The following FGF13 variants were observed in gnomAD, a reference collection of about 807,000 sequenced individuals.
The protein encoded by FGF13 is fibroblast growth factor homologous factor 2.
In FGF13, 2 loss-of-function variants were observed where a neutral mutation model predicts 19.5. The ratio of observed to expected loss-of-function variants is 0.10; its 90% confidence interval spans 0.04 to 0.32. The LOEUF is 0.32. Among genes scored for constraint, FGF13 ranks in the 10% least tolerant of loss-of-function variants. The probability of loss-of-function intolerance (pLI) is 1.00; values close to 1 mark genes in which losing one functional copy is unlikely to be tolerated. For missense variants in FGF13, 113 were observed against 192.7 expected (o/e 0.59, Z 2.45); for synonymous variants, 72 against 76.9 (o/e 0.94, Z 0.33).
intron 3 of FGF13, among the ~76,000 whole-genome samples, chrX:138,690,849 T>C (rs1413264319): frequency 9.0e-6 from 1 of 111,675 alleles, no homozygotes; most frequent in Admixed American, 9.5e-5. Flanking sequence ...TGAAACAGTT[T>C]ATGCTGATCC....
At chrX:138,899,203 G>T (rs1220257563) in intron 1 of FGF13, among the ~76,000 whole-genome samples, 1 of 111,365 alleles carries the variant, frequency 9.0e-6, no homozygotes, top group Non-Finnish European at 1.9e-5. Context: ...GTTTTTTGGG[G>T]GGGTTGGGTT....
intron 1 of FGF13, among the ~76,000 whole-genome samples, chrX:139,138,484 G>T (rs191560574): frequency 8.9e-6 from 1 of 111,941 alleles, no homozygotes; most frequent in Non-Finnish European, 1.9e-5. Context: ...TCAAAGAGCA[G>T]GTCTGTGACC....
intron 3 of FGF13, among the ~76,000 whole-genome samples, chrX:138,678,062 A>G (rs1379185677): frequency 8.9e-6 from 1 of 111,929 alleles, no homozygotes; most frequent in African/African-American, 3.3e-5. Flanking sequence ...CATCATTCTC[A>G]GTAAACTATC....
intron 1 of FGF13, among the ~76,000 whole-genome samples, chrX:139,162,202 TAA>T (rs1307587585): frequency 6.3e-5 from 7 of 111,636 alleles, no homozygotes; most frequent in East Asian, 2.8e-4. Context: ...AAAACAGATA[TAA>T]AGACCAATGG....
chrX:138,929,874 G>C (rs2091693048), intron 1 of FGF13, among the ~76,000 whole-genome samples: 1 of 107,663 alleles, frequency 9.3e-6, no homozygotes, highest in Non-Finnish European at 1.9e-5. Flanking sequence ...GTGTGTGTGT[G>C]TGTGTGTGTG....
In FGF13 at chrX:138,843,047, T is replaced by C. The variant is rs969260867; in HGVS notation, c.217+14465A>G. Among the ~76,000 whole-genome samples, 7 of 111,476 alleles carry C rather than the reference T, an allele frequency of 6.3e-5. No individual in the cohort carries two copies. The Admixed American group carries it at 6.7e-4, about 11-fold the overall frequency. Reference sequence around the variant, plus strand: ...ATGTGTTGCTTGATTTGTTAAAACCTTCTATGTAGAAAAAAAATAGGTAAC... The same window carrying C: ...ATGTGTTGCTTGATTTGTTAAAACCCTCTATGTAGAAAAAAAATAGGTAAC... On this transcript the variant is annotated intron_variant, in intron 3 of 6. Transcript: ENST00000436198.
At chrX:138,635,183 C>A (rs1015608776) in intron 4 of FGF13, among the ~76,000 whole-genome samples, 2 of 111,533 alleles carry the variant, frequency 1.8e-5, no homozygotes, top group Non-Finnish European at 3.8e-5. Context: ...TAAGTGGGAG[C>A]TAAGCTATGA....
intron 3 of FGF13, among the ~76,000 whole-genome samples, chrX:138,777,650 G>C (rs1043859172): frequency 5.4e-5 from 6 of 111,858 alleles, no homozygotes; most frequent in African/African-American, 2.0e-4. Flanking sequence ...GCAAGGACCA[G>C]TGGGAGTTCC....
chrX:138,658,474 A>G (rs1480264703), intron 3 of FGF13, among the ~76,000 whole-genome samples: 1 of 112,661 alleles, frequency 8.9e-6, no homozygotes, highest in Non-Finnish European at 1.9e-5. Flanking sequence ...TATTTAGGCT[A>G]GGTATATAAG....
At chrX:139,108,594 A>G (rs1348660354) in intron 1 of FGF13, among the ~76,000 whole-genome samples, 1 of 111,701 alleles carries the variant, frequency 9.0e-6, no homozygotes, top group Non-Finnish European at 1.9e-5. Context: ...ATAGACAACC[A>G]TGGTTAATAC....
At chrX:138,684,198 T>G (rs1422332636) in intron 3 of FGF13, among the ~76,000 whole-genome samples, 1 of 111,828 alleles carries the variant, frequency 8.9e-6, no homozygotes, top group Non-Finnish European at 1.9e-5. Flanking sequence ...AGAAATATAT[T>G]ATACACTATC....
chrX:138,780,175 G>C (rs998148878), intron 3 of FGF13, among the ~76,000 whole-genome samples: 7 of 110,039 alleles, frequency 6.4e-5, no homozygotes, highest in Non-Finnish European at 1.1e-4. Context: ...CACTAAACAT[G>C]GAAAGGAACA....
chrX:138,717,417 A>C (rs1232606124), intron 1 of FGF13, among the ~76,000 whole-genome samples: 2 of 111,521 alleles, frequency 1.8e-5, no homozygotes, highest in East Asian at 5.6e-4. Context: ...AACCTTTTCT[A>C]TCTAGCTAGG....
At chrX:138,889,271 T>G (rs1015015254) in intron 1 of FGF13, among the ~76,000 whole-genome samples, 2 of 111,749 alleles carry the variant, frequency 1.8e-5, no homozygotes, top group Non-Finnish European at 3.8e-5. Context: ...TGCAAAATAT[T>G]TATGTAATCA....
chrX:138,710,777 C>A, intron 1 of FGF13, 40 bp downstream of exon 1: 1 of 1,203,749 alleles, frequency 8.3e-7, no homozygotes, highest in Non-Finnish European at 1.1e-6. Flanking sequence ...CCACCTCACT[C>A]GTAAAGTATG....
upstream of FGF13, among the ~76,000 whole-genome samples, chrX:138,743,784 T>C (rs2090336271): frequency 8.9e-6 from 1 of 111,796 alleles, no homozygotes; most frequent in Admixed American, 9.5e-5. Context: ...AGGTTTTGTT[T>C]AGTTTTTTTC....
chrX:138,708,989 T>C (rs898775235), intron 1 of FGF13, 61 bp from the exon 2 acceptor site: 3 of 596,624 alleles, frequency 5.0e-6, no homozygotes, highest in African/African-American at 2.3e-5. Flanking sequence ...TTGAAAAGAC[T>C]AGGAATTTCA....
upstream of FGF13, among the ~76,000 whole-genome samples, chrX:138,742,478 A>G (rs746157824): frequency 2.0e-5 from 2 of 97,612 alleles, no homozygotes; most frequent in Non-Finnish European, 4.0e-5. Flanking sequence ...AATAGATGCC[A>G]TCAGCAAGGG....
chrX:138,716,572 C>A (rs978533079), upstream of FGF13: 1 of 110,491 alleles, frequency 9.1e-6, no homozygotes, highest in Non-Finnish European at 1.9e-5. Flanking sequence ...CAGAGTAAGA[C>A]CCTGCCTCTA....
Sources: allele counts gnomAD v4.1 joint callset (sites outside exome capture counted in the v4.1 genomes callset), GRCh38; gene constraint gnomAD v4.1.1; transcripts MANE v1.5; gene names NCBI Gene and HGNC (gene_info 2026-07-23, HGNC 2026-07-21).